PCDH7: variants seen among roughly 807,000 people sequenced by gnomAD.
PCDH7 encodes protocadherin-7.
In PCDH7, 17 loss-of-function variants were observed where a neutral mutation model predicts 58.9. The ratio of observed to expected loss-of-function variants is 0.29; its 90% CI spans 0.20 to 0.43. The LOEUF is 0.43. Ranked by LOEUF, PCDH7 falls within the 20% of genes least tolerant of loss-of-function variation. The pLI is 1.00. For missense variants in PCDH7, 1,274 were observed against 1,441.0 expected, an observed-to-expected ratio of 0.88 and a Z score of 1.88; for synonymous variants, 664 against 616.4, an observed-to-expected ratio of 1.08 and a Z score of -1.14.
intron 2 of PCDH7, among the ~76,000 whole-genome samples, chr4:30,928,480 C>T (rs1292906619): frequency 6.6e-6 from 1 of 151,950 alleles, no homozygotes. Context: ...TAAAATATGA[C>T]CAAGGCTTTC....
At chr4:30,867,742 CCT>C (rs973693480) in intron 1 of PCDH7, among the ~76,000 whole-genome samples, 1 of 151,938 alleles carries the variant, frequency 6.6e-6, no homozygotes, top group African/African-American at 2.4e-5. Flanking sequence ...TCTATTTGTC[CCT>C]GTCACTCATA....
intron 3 of PCDH7, among the ~76,000 whole-genome samples, chr4:31,127,759 G>A (rs1164972840): frequency 6.6e-6 from 1 of 151,988 alleles, no homozygotes; most frequent in Non-Finnish European, 1.5e-5. Context: ...AGTCTCTGAA[G>A]TAATTTGAAA....
intron 3 of PCDH7, among the ~76,000 whole-genome samples, chr4:31,045,392 G>A (rs762097125): frequency 1.3e-5 from 2 of 151,928 alleles, no homozygotes; most frequent in African/African-American, 4.8e-5. Context: ...GTGTGTCAAA[G>A]GGACAATATG....
downstream of PCDH7, among the ~76,000 whole-genome samples, chr4:30,734,755 C>T (rs1716013047): frequency 1.3e-5 from 2 of 152,234 alleles, no homozygotes; most frequent in South Asian, 4.1e-4. Context: ...CTCATAAATG[C>T]TTGTTGAACA....
chr4:31,024,379 A>C (rs777032699), intron 3 of PCDH7, among the ~76,000 whole-genome samples: 2 of 152,176 alleles, frequency 1.3e-5, no homozygotes, highest in Non-Finnish European at 2.9e-5. Flanking sequence ...GTTACTATTC[A>C]ATGTTCCTGG....
chr4:30,793,187 A>T (rs1175425843), intron 1 of PCDH7, among the ~76,000 whole-genome samples: 1 of 152,120 alleles, frequency 6.6e-6, no homozygotes, highest in Non-Finnish European at 1.5e-5. Flanking sequence ...GTCCTACCTT[A>T]AGAGTGATTG....
In PCDH7 at chr4:30,914,702, T is replaced by C. The variant is rs567149958; in HGVS notation, c.71-5451T>C. ...AGTTATATAGCTGTGGCCTGAGGTA[T>C]ACTACCGTTTATAGTATATGTCTTT... is the stretch of plus-strand genomic sequence containing the variant. On this transcript the variant is annotated intron_variant, in intron 1 of 3. Transcript: ENST00000509759. Among the ~76,000 whole-genome samples the C allele has an allele frequency of 4.4e-4, 67 of 152,314 alleles. No individual in the cohort carries two copies. The South Asian group carries it at 8.7e-3, about 20-fold the overall frequency.
intron 1 of PCDH7, among the ~76,000 whole-genome samples, chr4:30,762,461 G>A (rs548463377): frequency 2.0e-5 from 3 of 151,968 alleles, no homozygotes; most frequent in Non-Finnish European, 4.4e-5. Flanking sequence ...GTTATTTGTC[G>A]GAAGTTATTT....
Position 31,013,150 on chromosome 4 carries a change from C to T in PCDH7, c.*7+62935C>T, listed in dbSNP as rs1425686264. Among the ~76,000 whole-genome samples, 2 of 150,228 alleles carry T rather than the reference C, an allele frequency of 1.3e-5. 1 individual carries two copies. Among genetic ancestry groups the T allele is most frequent in the African/African-American group, 4.9e-5 (2 of 41,234 alleles). On this transcript the variant is annotated intron_variant, in intron 3 of 3. Coordinates refer to the PCDH7 transcript ENST00000509759. ...TGCAGTGAGCTGTGATATGATCACA[C>T]CACTGTGCTCCAGCCTGGGCAACAG...
At chr4:30,746,898 C>G (rs1717849736) in intron 1 of PCDH7, among the ~76,000 whole-genome samples, 1 of 152,070 alleles carries the variant, frequency 6.6e-6, no homozygotes, top group Non-Finnish European at 1.5e-5. Flanking sequence ...TTTCCTTGCA[C>G]TGGCCTATCC....
exon 2 of PCDH7, chr4:30,731,039 T>C: frequency 8.3e-7 from 1 of 1,197,778 alleles, no homozygotes; most frequent in Non-Finnish European, 1.0e-6. Flanking sequence ...AGAAATTCCA[T>C]TCTTAAAGAG....
chr4:31,105,303 G>A (rs565491974), intron 3 of PCDH7, among the ~76,000 whole-genome samples: 1 of 152,262 alleles, frequency 6.6e-6, no homozygotes, highest in East Asian at 1.9e-4. Context: ...TTATATGAAT[G>A]ATGAGAATAG....
At chr4:30,758,489 G>A (rs1227310974) in intron 1 of PCDH7, among the ~76,000 whole-genome samples, 3 of 152,198 alleles carry the variant, frequency 2.0e-5, no homozygotes, top group Non-Finnish European at 1.5e-5. Flanking sequence ...CTGCCCGTAA[G>A]TTTGTAACAA....
intron 1 of PCDH7, among the ~76,000 whole-genome samples, chr4:30,727,927 C>G (rs956105185): frequency 6.6e-6 from 1 of 151,798 alleles, no homozygotes; most frequent in Non-Finnish European, 1.5e-5. Flanking sequence ...AGATAATGCA[C>G]TTACAAGTAA....
At chr4:30,965,359 T>A (rs2109465486) in intron 3 of PCDH7, among the ~76,000 whole-genome samples, 1 of 152,248 alleles carries the variant, frequency 6.6e-6, no homozygotes, top group Middle Eastern at 3.4e-3. Context: ...TTACATAAGA[T>A]GACAATTTAA....
At chr4:31,143,121 AAAAAC>A (rs1473396710), downstream of PCDH7, 16 of 169,440 alleles carry the variant, frequency 9.4e-5, 1 homozygote, top group South Asian at 1.5e-3. Context: ...CCAAAAAAAA[AAAAAC>A]AAAAAGAAAA....
chr4:30,935,333 T>A (rs1202049522), intron 2 of PCDH7: 1 of 983,240 alleles, frequency 1.0e-6, no homozygotes, highest in Non-Finnish European at 1.2e-6. Flanking sequence ...GGCCTCATAT[T>A]TAGCTGTAAA....
intron 1 of PCDH7, among the ~76,000 whole-genome samples, chr4:30,752,783 C>CAAAAAAAAAAAAAAAAAAAAAAAA (rs35860745): frequency 1.0e-5 from 1 of 99,556 alleles, no homozygotes; most frequent in Non-Finnish European, 2.0e-5. Context: ...CCTGTAGGGG[C>CAAAAAAAAAAAAAAAAAAAAAAAA]AAAAAAAAAA....
At chr4:30,795,417 C>A (rs1724658157) in intron 1 of PCDH7, among the ~76,000 whole-genome samples, 1 of 152,192 alleles carries the variant, frequency 6.6e-6, no homozygotes, top group African/African-American at 2.4e-5. Flanking sequence ...AAGTAAGAAA[C>A]TGTAAGTAAT....
Sources: allele counts gnomAD v4.1 joint callset (sites outside exome capture counted in the v4.1 genomes callset), GRCh38; gene constraint gnomAD v4.1.1; transcripts MANE v1.5; gene names NCBI Gene and HGNC (gene_info 2026-07-23, HGNC 2026-07-21).